BMPR1B: variants seen among roughly 807,000 people sequenced by gnomAD.
The protein encoded by BMPR1B is bone morphogenetic protein receptor type 1B.
BMPR1B carries 12 observed loss-of-function variants against 59.1 expected under a neutral mutation model. That is an observed-to-expected ratio of 0.20 (90% CI 0.13 to 0.33). The LOEUF is 0.33. Ranked by LOEUF, BMPR1B falls within the 10% of genes least tolerant of loss-of-function variation. The pLI is 1.00. For synonymous variants in BMPR1B, 237 were observed against 207.3 expected (o/e 1.14, Z -1.23); for missense variants, 550 against 610.9 (o/e 0.90, Z 1.05).
chr4:94,785,834 C>T (rs996081451), intron 1 of BMPR1B, among the ~76,000 whole-genome samples: 20 of 152,120 alleles, frequency 1.3e-4, no homozygotes, highest in African/African-American at 4.8e-4. Context: ...GAAATGAGAC[C>T]TCTGGGTATA....
At chr4:95,064,715 G>A (rs960759577) in intron 3 of BMPR1B, among the ~76,000 whole-genome samples, 4 of 152,140 alleles carry the variant, frequency 2.6e-5, no homozygotes, top group African/African-American at 9.7e-5. Context: ...GTTTGAAAAT[G>A]GACGAGGATC....
intron 1 of BMPR1B, among the ~76,000 whole-genome samples, chr4:94,845,403 C>T (rs569291147): frequency 3.4e-4 from 51 of 150,662 alleles, no homozygotes; most frequent in Non-Finnish European, 6.2e-4. Context: ...AGTGCAGTGG[C>T]GCGATCTTGG....
At chr4:94,863,934 A>G (rs978532501) in intron 1 of BMPR1B, among the ~76,000 whole-genome samples, 2 of 152,234 alleles carry the variant, frequency 1.3e-5, no homozygotes, top group African/African-American at 4.8e-5. Flanking sequence ...TGACTACACA[A>G]TAATGTGTGA....
At chr4:95,056,847 A>C (rs1726968508) in intron 3 of BMPR1B, among the ~76,000 whole-genome samples, 1 of 152,328 alleles carries the variant, frequency 6.6e-6, no homozygotes, top group African/African-American at 2.4e-5. Context: ...CAGGTACTTC[A>C]CATATACTGT....
intron 3 of BMPR1B, among the ~76,000 whole-genome samples, chr4:95,026,154 C>CTTTCTTTCTTTCTT (rs1724396770): frequency 3.4e-5 from 5 of 147,260 alleles, no homozygotes; most frequent in Non-Finnish European, 7.5e-5. Context: ...TTCTTTCTTT[C>CTTTCTTTCTTTCTT]TTTCTTTCTC....
intron 1 of BMPR1B, among the ~76,000 whole-genome samples, chr4:94,873,410 C>G (rs368306314): frequency 1.4e-5 from 2 of 139,626 alleles, no homozygotes; most frequent in Non-Finnish European, 3.1e-5. Context: ...GCTATGAATT[C>G]TTTTTTTTTT....
At chr4:95,065,797 G>A (rs1045638868) in intron 3 of BMPR1B, among the ~76,000 whole-genome samples, 7 of 151,984 alleles carry the variant, frequency 4.6e-5, no homozygotes, top group Admixed American at 3.9e-4. Context: ...ATGCAACTAG[G>A]AGTCCTGCAA....
chr4:94,963,714 G>C (rs1730454802), intron 2 of BMPR1B, among the ~76,000 whole-genome samples: 1 of 152,076 alleles, frequency 6.6e-6, no homozygotes, highest in South Asian at 2.1e-4. Flanking sequence ...TTTTATGCCA[G>C]TACTATGCTT....
intron 6 of BMPR1B, among the ~76,000 whole-genome samples, chr4:95,118,283 G>A (rs938782654): frequency 6.6e-6 from 1 of 151,746 alleles, no homozygotes; most frequent in Non-Finnish European, 1.5e-5. Context: ...TGAGAGCACT[G>A]ATGTTTTTAC....
intron 1 of BMPR1B, among the ~76,000 whole-genome samples, chr4:94,801,656 C>T (rs1475955092): frequency 3.3e-5 from 5 of 152,196 alleles, no homozygotes; most frequent in African/African-American, 1.2e-4. Flanking sequence ...ACACTTTGGA[C>T]ATTTAATTTG....
intron 1 of BMPR1B, among the ~76,000 whole-genome samples, chr4:94,797,602 A>G (rs528619102): frequency 1.8e-4 from 28 of 152,318 alleles, no homozygotes; most frequent in Non-Finnish European, 4.0e-4. Context: ...GTATATTCAC[A>G]TTGTCCTGGG....
chr4:94,776,254 T>C (rs1030456157), intron 1 of BMPR1B, among the ~76,000 whole-genome samples: 21 of 152,270 alleles, frequency 1.4e-4, no homozygotes, highest in African/African-American at 5.1e-4. Context: ...GTTTATATTA[T>C]CTATACAAAA....
At chr4:94,970,236 T>TCTTCTCTTCTC (rs1174591733) in intron 2 of BMPR1B, among the ~76,000 whole-genome samples, 9 of 140,668 alleles carry the variant, frequency 6.4e-5, no homozygotes, top group African/African-American at 2.4e-4. Context: ...CAGCTGTTTG[T>TCTTCTCTTCTC]TTTTCTTCTC....
At chr4:95,095,300 C>T (rs1442432763) in intron 3 of BMPR1B, among the ~76,000 whole-genome samples, 2 of 151,788 alleles carry the variant, frequency 1.3e-5, no homozygotes, top group African/African-American at 4.8e-5. Context: ...AGTTTTATTC[C>T]TGTGTGAAAT....
At chr4:94,762,372 A>C (rs1721812152) in intron 1 of BMPR1B, among the ~76,000 whole-genome samples, 1 of 152,192 alleles carries the variant, frequency 6.6e-6, no homozygotes, top group Non-Finnish European at 1.5e-5. Flanking sequence ...ATAAGACAGC[A>C]TGTGACTGGG....
At chr4:94,808,248 G>A (rs533267710) in intron 1 of BMPR1B, among the ~76,000 whole-genome samples, 1 of 150,976 alleles carries the variant, frequency 6.6e-6, no homozygotes, top group South Asian at 2.1e-4. Flanking sequence ...TGGAAAATTA[G>A]ACAGAAGAAA....
intron 1 of BMPR1B, among the ~76,000 whole-genome samples, chr4:94,848,413 G>A (rs1323619225): frequency 6.6e-6 from 1 of 152,112 alleles, no homozygotes; most frequent in African/African-American, 2.4e-5. Context: ...TTTTATATTG[G>A]GGGAAGACAA....
At chr4:94,955,275 T>C (rs556028545) in intron 2 of BMPR1B, among the ~76,000 whole-genome samples, 1 of 152,314 alleles carries the variant, frequency 6.6e-6, no homozygotes, top group South Asian at 2.1e-4. Flanking sequence ...CAGCAGAAAC[T>C]GTGTTTCATG....
At chr4:94,905,009 T>G (rs1727983378) in intron 2 of BMPR1B, among the ~76,000 whole-genome samples, 1 of 152,084 alleles carries the variant, frequency 6.6e-6, no homozygotes, top group African/African-American at 2.4e-5. Context: ...ATAATTTCTA[T>G]TTTTGGCAAA....
Sources: gnomAD v4.1 joint callset for allele counts (sites outside exome capture counted in the v4.1 genomes callset) on GRCh38, gnomAD v4.1.1 for gene constraint, MANE v1.5 for transcripts, NCBI Gene and HGNC (gene_info 2026-07-23, HGNC 2026-07-21) for gene names.